The following ZFPM1 variants were observed in gnomAD, a reference collection of about 807,000 sequenced individuals.
The protein encoded by ZFPM1 is zinc finger protein, FOG family member 1, also known as zinc finger protein ZFPM1.
Under a neutral mutation model 46.3 loss-of-function variants are expected in ZFPM1, and 28 were observed. The observed-to-expected ratio is 0.60, with a 90% CI of 0.45 to 0.83. ZFPM1 has a LOEUF of 0.83. Among genes scored for constraint, ZFPM1 ranks in the 40% least tolerant of loss-of-function variants. ZFPM1 has a pLI of 0.00. For missense variants in ZFPM1, 1,878 were observed against 1,432.4 expected, an observed-to-expected ratio of 1.31 and a Z score of -5.02; for synonymous variants, 957 against 675.9, an observed-to-expected ratio of 1.42 and a Z score of -6.45.
intron 3 of ZFPM1, among the ~76,000 whole-genome samples, chr16:88,493,257 G>T (rs1171868764): frequency 1.0e-4 from 15 of 148,514 alleles, no homozygotes; most frequent in African/African-American, 3.2e-4. Context: ...CTGTCCTGGG[G>T]TGCGGGGAGC....
At position 88,535,764 on chromosome 16, in the gene ZFPM1, T is replaced by G. The variant is rs1477407235; in HGVS notation, c.*785T>G. 1 of 152,348 alleles carries G rather than the reference T, an allele frequency of 6.6e-6. No homozygotes were observed. The highest frequency in any genetic ancestry group is 1.5e-5 in the Non-Finnish European group (1 of 68,280). 9.4% of individuals were successfully genotyped at this position (152,348 alleles called of 1,614,324 possible). A position where few individuals can be genotyped will look rare whatever the true frequency, so the allele number is the denominator to read the frequency against. ...GGTGGAGTCACCTGTGGTGGCTGAG[T>G]CGGTGCAAGGGTCAGGGCACCCCCA... On this transcript the variant is annotated 3_prime_UTR_variant, in exon 10 of 10. Transcript: ENST00000319555.
At chr16:88,532,360 G>T in intron 7 of ZFPM1, 125 bp downstream of exon 7, 1 of 1,050,810 alleles carries the variant, frequency 9.5e-7, no homozygotes, top group Non-Finnish European at 1.4e-6. Flanking sequence ...CGCGGTCTCC[G>T]GCACACCCAG....
Position 88,453,598 on chromosome 16 carries a change from G to T in ZFPM1, c.-41G>T. 2 of 1,061,976 alleles carry T rather than the reference G, an allele frequency of 1.9e-6. No individual in the cohort carries two copies. Among genetic ancestry groups the T allele is most frequent in the Non-Finnish European group, 2.3e-6 (2 of 871,168 alleles). The allele number at this position is 1,061,976 out of a possible 1,614,324, so 65.8% of individuals were successfully genotyped here. ...CCGCCGCCCGCCGCCGCCCGCCCGG[G>T]GCTAGAGGCGGCCGCCGGGAGGGCG... On this transcript the variant is annotated 5_prime_UTR_variant, in exon 1 of 10. Coordinates refer to ENST00000319555, the MANE Select transcript of ZFPM1 (RefSeq NM_153813.3).
chr16:88,488,905 G>A, intron 2 of ZFPM1, 126 bp from the exon 3 acceptor site: 5 of 1,417,794 alleles, frequency 3.5e-6, no homozygotes, highest in Non-Finnish European at 4.7e-6. Context: ...CCAGGAGATG[G>A]GGGTGGCTCT....
At chr16:88,502,819 G>T (rs547508855) in intron 3 of ZFPM1, among the ~76,000 whole-genome samples, 1 of 152,242 alleles carries the variant, frequency 6.6e-6, no homozygotes, top group East Asian at 1.9e-4. Flanking sequence ...GTCTTGCCAC[G>T]TTTCTTCCAG....
chr16:88,519,096 G>A (rs1193323938), intron 4 of ZFPM1, among the ~76,000 whole-genome samples: 4 of 144,660 alleles, frequency 2.8e-5, no homozygotes, highest in African/African-American at 7.7e-5. Context: ...ATGGCTGAGA[G>A]TGTGGGTGGA....
chr16:88,501,981 C>T (rs555567195), intron 3 of ZFPM1, among the ~76,000 whole-genome samples: 200 of 152,290 alleles, frequency 1.3e-3, no homozygotes, highest in African/African-American at 4.7e-3. Context: ...GACCTCCTGA[C>T]CCCAGCCCTG....
In ZFPM1 at chr16:88,532,115, G is replaced by A. The variant is rs566530364; in HGVS notation, c.826G>A (p.Ala276Thr). 2 of 1,612,272 alleles carry A rather than the reference G, an allele frequency of 1.2e-6. No homozygotes were observed. Among genetic ancestry groups the A allele is most frequent in the Non-Finnish European group, 1.7e-6 (2 of 1,179,718 alleles). Residue 276 changes from alanine (A) to threonine (T), a missense_variant, in exon 7 of 10, where the codon GCC (alanine) becomes ACC (threonine). Transcript: ENST00000319555. The stretch of plus-strand genomic sequence containing the variant: ...CCAGGGCACCGGCTCCCCGGCCGCA[G>A]CCGCCACAGACGAGAAGCCCAAAGA... ...SRQGTGSPAA[A>T]ATDEKPKETY...
intron 3 of ZFPM1, among the ~76,000 whole-genome samples, chr16:88,499,470 G>A (rs901906196): frequency 9.2e-5 from 14 of 152,224 alleles, no homozygotes; most frequent in African/African-American, 3.4e-4. Context: ...GAGGCCTGGG[G>A]TGGGGCCGGC....
chr16:88,474,776 G>A (rs758735304), intron 1 of ZFPM1, among the ~76,000 whole-genome samples: 1 of 152,188 alleles, frequency 6.6e-6, no homozygotes, highest in Non-Finnish European at 1.5e-5. Context: ...CATTTGCTCC[G>A]CTCTTAACGC....
Position 88,502,018 on chromosome 16 carries a change from C to T in ZFPM1, c.269-12369C>T, listed in dbSNP as rs1292209535. Among the ~76,000 whole-genome samples, 5 of 151,806 alleles carry T rather than the reference C, an allele frequency of 3.3e-5. No homozygotes were observed. The East Asian group carries it at 9.7e-4, about 29-fold the overall frequency. The stretch of plus-strand genomic sequence containing the variant: ...AAACGCCCCAACCCATGGTTTAACA[C>T]TCCTAGTAGCTCCTCCACCCCCGAC... On this transcript the variant is annotated intron_variant, in intron 3 of 9. Coordinates refer to ENST00000319555, the MANE Select transcript of ZFPM1 (RefSeq NM_153813.3).
chr16:88,489,188 C>A (rs1909415544), intron 3 of ZFPM1, 35 bp downstream of exon 3: 1 of 1,558,990 alleles, frequency 6.4e-7, no homozygotes, highest in Non-Finnish European at 8.7e-7. Context: ...GCAGCATCGC[C>A]TCCCGGGCAG....
chr16:88,452,874 C>T (rs1187895162), upstream of ZFPM1, among the ~76,000 whole-genome samples: 1 of 152,304 alleles, frequency 6.6e-6, no homozygotes, highest in South Asian at 2.1e-4. Context: ...CCGAATAGGT[C>T]TCAGACTCCC....
chr16:88,513,077 CTGGTCACCCTCT>C (rs1567546202), intron 3 of ZFPM1: 1 of 152,252 alleles, frequency 6.6e-6, no homozygotes, highest in Non-Finnish European at 1.5e-5. Flanking sequence ...CCCGCTCACA[CTGGTCACCCTCT>C]TGGTGCCAAG....
At chr16:88,470,812 C>G (rs554691145) in intron 1 of ZFPM1, among the ~76,000 whole-genome samples, 34 of 133,276 alleles carry the variant, frequency 2.6e-4, no homozygotes, top group African/African-American at 9.1e-4. Context: ...CGCTGAGTGA[C>G]AGGTGAGGAT....
intron 3 of ZFPM1, among the ~76,000 whole-genome samples, chr16:88,494,813 G>T (rs1021958323): frequency 3.9e-5 from 6 of 152,142 alleles, no homozygotes; most frequent in African/African-American, 1.4e-4. Flanking sequence ...GATCCCAGAA[G>T]TGGCCACAGA....
At chr16:88,509,573 G>A (rs1447782103) in intron 3 of ZFPM1, among the ~76,000 whole-genome samples, 1 of 152,268 alleles carries the variant, frequency 6.6e-6, no homozygotes, top group African/African-American at 2.4e-5. Context: ...AGTCAGAGCT[G>A]TGAGCCAGCC....
At chr16:88,478,872 G>A (rs998950438) in intron 1 of ZFPM1, among the ~76,000 whole-genome samples, 7 of 152,344 alleles carry the variant, frequency 4.6e-5, no homozygotes, top group African/African-American at 1.7e-4. Flanking sequence ...AATGCTACTC[G>A]AGGGAAACGG....
At chr16:88,489,392 C>G (rs983054410) in intron 3 of ZFPM1, 4 of 520,730 alleles carry the variant, frequency 7.7e-6, no homozygotes, top group Non-Finnish European at 1.3e-5. Flanking sequence ...CTGGGGGGTT[C>G]CCTGGATCAG....
Sources: allele counts gnomAD v4.1 joint callset (sites outside exome capture counted in the v4.1 genomes callset), GRCh38; gene constraint gnomAD v4.1.1; transcripts MANE v1.5; gene names NCBI Gene and HGNC (gene_info 2026-07-23, HGNC 2026-07-21).